COG5: variants seen among roughly 807,000 people sequenced by gnomAD.
COG5 encodes component of oligomeric golgi complex 5.
A neutral mutation model predicts 110.4 loss-of-function variants in COG5; 86 were observed. The ratio of observed to expected loss-of-function variants is 0.78; its 90% CI spans 0.65 to 0.93. The LOEUF (loss-of-function observed/expected upper bound fraction) is 0.93. Ranked by LOEUF, COG5 falls within the 40% of genes least tolerant of loss-of-function variation. COG5 has a pLI of 0.00. For synonymous variants in COG5, 360 were observed against 334.6 expected, an observed-to-expected ratio of 1.08 and a Z score of -0.83; for missense variants, 1,077 against 987.0, an observed-to-expected ratio of 1.09 and a Z score of -1.22.
chr7:107,210,443 C>T lies in COG5; in HGVS notation c.2375+83G>A, dbSNP rs575209243. 6.0e-5 allele frequency: 93 copies of T among 1,541,668 alleles called. No homozygotes were observed. The African/African-American group carries it at 1.2e-3, about 20-fold the overall frequency. The stretch of plus-strand genomic sequence containing the variant: ...GCAGTCACATGTCCATGCCCCCAGG[C>T]ACTGCTCCTTCATCCTCTCTTGCAT... On this transcript the variant is annotated intron_variant, in intron 21 of 21. Coordinates refer to ENST00000297135, the MANE Select transcript of COG5 (RefSeq NM_006348.5).
chr7:107,352,462 T>C (rs1009111228), intron 10 of COG5, among the ~76,000 whole-genome samples: 1 of 125,378 alleles, frequency 8.0e-6, no homozygotes, highest in Non-Finnish European at 1.7e-5. Flanking sequence ...AGTATAATAA[T>C]AATAAAATTG....
intron 6 of COG5, among the ~76,000 whole-genome samples, chr7:107,447,864 T>A (rs1408329549): frequency 6.6e-6 from 1 of 152,186 alleles, no homozygotes; most frequent in Admixed American, 6.5e-5. Context: ...TTAATTTTAT[T>A]CTTACTGACA....
intron 14 of COG5, among the ~76,000 whole-genome samples, chr7:107,279,697 G>A (rs145319855): frequency 6.6e-5 from 10 of 152,030 alleles, no homozygotes; most frequent in Admixed American, 2.0e-4. Context: ...CTTATTTAAT[G>A]CTTAAGCTTC....
At chr7:107,523,582 A>T (rs558203292) in intron 6 of COG5, among the ~76,000 whole-genome samples, 11 of 152,130 alleles carry the variant, frequency 7.2e-5, no homozygotes, top group Non-Finnish European at 1.5e-4. Flanking sequence ...TGGGAGGCCG[A>T]GAAGGGTGGA....
intron 6 of COG5, chr7:107,472,644 G>A (rs575662909): frequency 1.6e-4 from 24 of 151,788 alleles, no homozygotes; most frequent in South Asian, 1.0e-3. Context: ...TAACTTACTC[G>A]AATAAATATA....
At chr7:107,449,043 A>T in intron 6 of COG5, among the ~76,000 whole-genome samples, 1 of 152,196 alleles carries the variant, frequency 6.6e-6, no homozygotes, top group Non-Finnish European at 1.5e-5. Context: ...AAGATGTGGT[A>T]TTAAATCATC....
At chr7:107,237,324 T>C (rs1801273838) in intron 17 of COG5, among the ~76,000 whole-genome samples, 1 of 152,242 alleles carries the variant, frequency 6.6e-6, no homozygotes, top group African/African-American at 2.4e-5. Context: ...CTATTTATAA[T>C]TTATAAATGT....
chr7:107,291,571 T>C (rs1380166640), intron 12 of COG5, among the ~76,000 whole-genome samples: 1 of 152,234 alleles, frequency 6.6e-6, no homozygotes, highest in African/African-American at 2.4e-5. Flanking sequence ...AATAGTCACC[T>C]TGAGATGGCA....
chr7:107,551,721 G>A (rs900919517), intron 3 of COG5, among the ~76,000 whole-genome samples: 2 of 151,864 alleles, frequency 1.3e-5, no homozygotes, highest in East Asian at 1.9e-4. Flanking sequence ...TGGCTCAAGC[G>A]ATCCTCCTAC....
intron 12 of COG5, among the ~76,000 whole-genome samples, chr7:107,296,233 AT>A (rs920697629): frequency 1.0e-4 from 15 of 147,066 alleles, no homozygotes; most frequent in Non-Finnish European, 1.5e-5. Flanking sequence ...ACATATATTC[AT>A]TTTACATAAA....
intron 14 of COG5, among the ~76,000 whole-genome samples, chr7:107,258,823 G>A (rs1447648579): frequency 2.0e-5 from 3 of 152,048 alleles, no homozygotes; most frequent in African/African-American, 7.2e-5. Flanking sequence ...AGGAGGAAAG[G>A]AGAGAAGAGA....
chr7:107,454,136 AAAT>A (rs141589715), intron 6 of COG5, among the ~76,000 whole-genome samples: 4,038 of 152,302 alleles, frequency 0.027, 167 homozygotes, highest in African/African-American at 0.086. Context: ...TATAATTGAA[AAAT>A]AATAAAATTA....
chr7:107,242,278 C>T (rs1038487365), intron 17 of COG5, among the ~76,000 whole-genome samples: 4 of 152,182 alleles, frequency 2.6e-5, no homozygotes, highest in Admixed American at 6.5e-5. Context: ...CAACGCCTCA[C>T]CCGGGAGCAA....
intron 5 of COG5, among the ~76,000 whole-genome samples, chr7:107,535,377 A>G (rs1449563095): frequency 1.3e-5 from 2 of 151,694 alleles, no homozygotes; most frequent in South Asian, 2.1e-4. Context: ...TGAATCCAGG[A>G]GCTAGTTTTT....
intron 6 of COG5, among the ~76,000 whole-genome samples, chr7:107,504,478 C>T (rs1419372304): frequency 2.6e-5 from 4 of 152,042 alleles, no homozygotes; most frequent in East Asian, 1.9e-4. Context: ...TATGTCCTTT[C>T]TGAGTTTTGG....
chr7:107,231,928 C>T (rs1800803815), intron 18 of COG5, among the ~76,000 whole-genome samples: 2 of 152,104 alleles, frequency 1.3e-5, no homozygotes, highest in African/African-American at 4.8e-5. Flanking sequence ...TATATAAACA[C>T]ACATACATAC....
At chr7:107,414,884 C>A (rs1370247775) in intron 6 of COG5, among the ~76,000 whole-genome samples, 3 of 151,578 alleles carry the variant, frequency 2.0e-5, no homozygotes, top group Non-Finnish European at 4.4e-5. Context: ...CACGTCACGA[C>A]GCCTGGCTAA....
chr7:107,545,804 A>G (rs1430569331), intron 5 of COG5, among the ~76,000 whole-genome samples: 3 of 150,742 alleles, frequency 2.0e-5, no homozygotes, highest in Non-Finnish European at 4.4e-5. Context: ...AAAAAAGAAA[A>G]GAAAAGAAAG....
intron 11 of COG5, among the ~76,000 whole-genome samples, chr7:107,299,363 T>A (rs1377485336): frequency 6.6e-6 from 1 of 152,084 alleles, no homozygotes; most frequent in African/African-American, 2.4e-5. Context: ...TACAAAATAT[T>A]CTGCAGATAC....
Sources: gnomAD v4.1 joint callset for allele counts (sites outside exome capture counted in the v4.1 genomes callset) on GRCh38, gnomAD v4.1.1 for gene constraint, MANE v1.5 for transcripts, NCBI Gene and HGNC (gene_info 2026-07-23, HGNC 2026-07-21) for gene names.